Variants in MIEF2 observed in about 807,000 individuals in gnomAD.
The protein encoded by MIEF2 is mitochondrial elongation factor 2, also known as mitochondrial dynamics protein MID49.
Under a neutral mutation model 7.4 loss-of-function variants are expected in MIEF2, and 1 was observed. The observed-to-expected ratio is 0.14, with a 90% CI of 0.05 to 0.64. MIEF2 has a LOEUF of 0.64. MIEF2 is among the 30% of genes least tolerant of loss of function. The probability of loss-of-function intolerance (pLI) is 0.85; values close to 1 mark genes in which losing one functional copy is unlikely to be tolerated. For synonymous variants in MIEF2, 275 were observed against 290.5 expected, an observed-to-expected ratio of 0.95 and a Z score of 0.54; for missense variants, 569 against 623.9, an observed-to-expected ratio of 0.91 and a Z score of 0.94.
At position 18,263,934 on chromosome 17, in the gene MIEF2, G is replaced by T. The variant is rs748281385; in HGVS notation, c.535G>T (p.Gly179Trp). ...PELPFGAFVP[G>W]GPLYDGLQAG... is the part of the protein sequence containing the mutation. ...ACTGCCCTTTGGGGCATTCGTGCCTGGGGGGCCGCTCTACGACGGGCTGCA... is the reference window on the plus strand; with the variant it reads ...ACTGCCCTTTGGGGCATTCGTGCCTTGGGGGCCGCTCTACGACGGGCTGCA... The change falls in exon 4 of 4, where the codon GGG (glycine) becomes TGG (tryptophan). Residue 179 changes from glycine to tryptophan, a missense_variant. By Grantham distance (184) the Gly-to-Trp change is radical (BLOSUM62 -2). Transcript: ENST00000323019. 2 of 1,594,938 alleles carry T rather than the reference G, an allele frequency of 1.3e-6. No homozygotes were observed. Among genetic ancestry groups the T allele is most frequent in the Non-Finnish European group, 1.7e-6 (2 of 1,175,042 alleles).
intron 1 of MIEF2, 72 bp downstream of exon 1, chr17:18,260,809 A>G: frequency 2.9e-6 from 1 of 350,704 alleles, no homozygotes; most frequent in Non-Finnish European, 5.3e-6. Context: ...CGGAACGCAG[A>G]TCGGGGGCGT....
chr17:18,260,887 C>T (rs924215158), intron 1 of MIEF2, 150 bp downstream of exon 1: 6 of 565,750 alleles, frequency 1.1e-5, no homozygotes, highest in Non-Finnish European at 1.6e-5. Flanking sequence ...CGTTCGAATC[C>T]TAGCCCAGCC....
rs569782079 is a variant in MIEF2 at position 18,262,654 on chromosome 17, C to T, written c.-7-60C>T. 1.2e-4 allele frequency: 184 copies of T among 1,479,056 alleles called. 1 individual carries two copies. Among genetic ancestry groups the T allele is most frequent in the Admixed American group, 8.0e-4 (35 of 43,742 alleles). The allele number at this position is 1,479,056 out of a possible 1,614,324, so 91.6% of individuals were successfully genotyped here. A position where few individuals can be genotyped will look rare whatever the true frequency, so the allele number is the denominator to read the frequency against. ...AGCTAGAGCACCTGTCCACAGCAGC[C>T]CCTCTCCCAGCCTGGCCACCTGCAC... On this transcript the variant is annotated intron_variant, in intron 1 of 3. Transcript: ENST00000323019.
At position 18,264,342 on chromosome 17, in the gene MIEF2, C is replaced by A; in HGVS notation, c.943C>A (p.Arg315Ser). ...VAVPGVDADD[R>S]LLLAWPLEGL... ...AGTCCCTGGGGTCGATGCTGACGAC[C>A]GCCTCCTCTTGGCCTGGCCCCTGGA... Residue 315 changes from arginine (R) to serine (S), a missense_variant, in exon 4 of 4, where the codon CGC (arginine) becomes AGC (serine). Transcript: ENST00000323019. 1.2e-6 allele frequency: 2 copies of A among 1,606,104 alleles called. No individual in the cohort carries two copies. The highest frequency in any genetic ancestry group is 1.3e-5 in the African/African-American group (1 of 75,048).
chr17:18,264,816 C>A lies in MIEF2; in HGVS notation c.*52C>A. ...TTTTCTAATGCTGGGGAGCTGCACC[C>A]ACCTCCCTTCCAGGGATTTGAATAG... On this transcript the variant is annotated 3_prime_UTR_variant, in exon 4 of 4. Coordinates refer to ENST00000323019, the MANE Select transcript of MIEF2 (RefSeq NM_139162.4). The A allele has an allele frequency of 6.4e-7, 1 of 1,557,610 alleles. No individual in the cohort carries two copies. Among genetic ancestry groups the A allele is most frequent in the Admixed American group, 1.9e-5 (1 of 53,230 alleles).
rs765793573 is a variant in MIEF2, at chr17:18,263,811, C to T, written c.412C>T (p.Arg138Cys). Residue 138 changes from arginine to cysteine, a missense_variant, in exon 4 of 4, where the codon CGT (arginine) becomes TGT (cysteine). Coordinates refer to ENST00000323019, the MANE Select transcript of MIEF2 (RefSeq NM_139162.4). ...GAGGCTGCTGGCCTTCGAGCGGGAC[C>T]GTGTGACCATCCCAGCAGCCCAGGT... Reference protein sequence around the residue: ...QERLLAFERDRVTIPAAQVAL... With the variant: ...QERLLAFERDCVTIPAAQVAL... 8 of 1,609,272 alleles carry T rather than the reference C, an allele frequency of 5.0e-6. No individual in the cohort carries two copies. The highest frequency in any genetic ancestry group is 2.7e-5 in the African/African-American group (2 of 74,940).
rs1205927158 is a variant in MIEF2, at chr17:18,264,473, G to A, written c.1074G>A (p.Leu358=). ...CTGGGACTCGCCGGCGGCTGCTGCT[G>A]CTGCTGTGTGCTGTCTGCCGTGGTT... ...HDAGTRRRLL[L]LLCAVCRGCS... The change falls in exon 4 of 4, where the codon CTG becomes CTA. Residue 358 remains leucine, a synonymous_variant. Coordinates refer to ENST00000323019, the MANE Select transcript of MIEF2 (RefSeq NM_139162.4). 2 of 1,604,952 alleles carry A rather than the reference G, an allele frequency of 1.2e-6. No homozygotes were observed. Among genetic ancestry groups the A allele is most frequent in the Non-Finnish European group, 1.7e-6 (2 of 1,179,872 alleles).
In MIEF2 at chr17:18,266,164, C is replaced by G. The variant is rs535785219; in HGVS notation, c.*1400C>G. The G allele has an allele frequency of 1.3e-5, 2 of 151,678 alleles. No homozygotes were observed. The highest frequency in any genetic ancestry group is 4.9e-5 in the African/African-American group (2 of 41,216). 9.4% of individuals were successfully genotyped at this position (151,678 alleles called of 1,614,324 possible). On this transcript the variant is annotated 3_prime_UTR_variant, in exon 4 of 4. Transcript: ENST00000323019. ...GAGGTTGCAATGAGCTGAAATTGCA[C>G]CACTGCACTCCAGACTGGCGACAGA...
chr17:18,262,926 C>T (rs1245800283), intron 2 of MIEF2, 59 bp downstream of exon 2: 21 of 1,511,196 alleles, frequency 1.4e-5, no homozygotes, highest in Non-Finnish European at 1.8e-5. Flanking sequence ...CAGGGTTGGG[C>T]TTTTCAGAGG....
chr17:18,260,834 G>T (rs2746024), intron 1 of MIEF2, 97 bp downstream of exon 1: 122,889 of 441,936 alleles, frequency 0.28, 18,192 homozygotes, highest in African/African-American at 0.34. Context: ...CGCGATCACC[G>T]CTGGGGAAGG....
At position 18,263,111 on chromosome 17, in the gene MIEF2, G is replaced by A. The variant is rs763209079; in HGVS notation, c.173G>A (p.Arg58Gln). The stretch of plus-strand genomic sequence containing the variant: ...TTCATTGACAGGGCCACTAGCCCGC[G>A]GGATGAGGATGACACCAAGGCAGAC... ...KRFIDRATSP[R>Q]DEDDTKADSW... is the part of the protein sequence containing the mutation. Residue 58 changes from arginine to glutamine, a missense_variant, in exon 3 of 4, where the codon CGG becomes CAG. Arg to Gln is a conservative substitution (Grantham distance 43). Transcript: ENST00000323019. 16 of 1,613,372 alleles carry A rather than the reference G, an allele frequency of 9.9e-6. No individual in the cohort carries two copies. Among genetic ancestry groups the A allele is most frequent in the South Asian group, 4.4e-5 (4 of 91,092 alleles).
intron 2 of MIEF2, 83 bp downstream of exon 2, chr17:18,262,950 G>T: frequency 1.3e-6 from 2 of 1,528,654 alleles, no homozygotes; most frequent in Non-Finnish European, 1.8e-6. Context: ...CCTGGGGAGG[G>T]GTGGGGACTG....
intron 1 of MIEF2, chr17:18,261,018 G>T: frequency 7.5e-7 from 1 of 1,324,596 alleles, no homozygotes; most frequent in South Asian, 1.3e-5. Context: ...AGGAGGGAAG[G>T]CCAAACGGCC....
At position 18,263,199 on chromosome 17, in the gene MIEF2, T is replaced by C. The variant is rs777753623; in HGVS notation, c.261T>C (p.Ala87=). Residue 87 remains alanine (A), a synonymous_variant, in exon 3 of 4, where the codon GCT becomes GCC. Transcript: ENST00000323019. ...ACCTGCAGCCCCGGCCTCCACCTGC[T>C]GCCCTTAGCCAGCCAGTGTTGCCCT... is the stretch of plus-strand genomic sequence containing the variant. The part of the protein sequence containing the change: ...TPHLQPRPPP[A]ALSQPVLPLA... 3.0e-5 allele frequency: 49 copies of C among 1,613,522 alleles called. No homozygotes were observed. In the Admixed American group the frequency reaches 5.2e-4, roughly 17 times the overall value.
intron 1 of MIEF2, chr17:18,261,306 A>G (rs534409162): frequency 5.3e-6 from 5 of 951,270 alleles, no homozygotes; most frequent in Admixed American, 2.1e-5. Flanking sequence ...TTGGCCTGGG[A>G]TCGCCCCAGA....
chr17:18,263,013 G>T lies in MIEF2; in HGVS notation c.148-73G>T, dbSNP rs903245282. ...ACCTGCTTCTCCACCCAGCACGCTG[G>T]TCTGCTTTGCCCTGGGCTTTGCTAT... On this transcript the variant is annotated intron_variant, in intron 2 of 3. Transcript: ENST00000323019. 6 of 1,576,196 alleles carry T rather than the reference G, an allele frequency of 3.8e-6. No homozygotes were observed. In the African/African-American group the frequency reaches 8.1e-5, roughly 21 times the overall value.
At position 18,264,627 on chromosome 17, in the gene MIEF2, G is replaced by A. The variant is rs149229358; in HGVS notation, c.1228G>A (p.Gly410Ser). The change falls in exon 4 of 4, where the codon GGC (glycine) becomes AGC (serine). Residue 410 changes from glycine (G) to serine (S), a missense_variant. By Grantham distance (56) the Gly-to-Ser change is moderately conservative. Coordinates refer to ENST00000323019, the MANE Select transcript of MIEF2 (RefSeq NM_139162.4). ...CCTGCAAGCCCTGGAGCTGCTCATC[G>A]GCAGCCTGGAGCAGGCCAGCCTGCC... Reference protein sequence around the residue: ...RFLQALELLIGSLEQASLPCH... With the variant: ...RFLQALELLISSLEQASLPCH... 1,250 of 1,611,218 alleles carry A rather than the reference G, an allele frequency of 7.8e-4. No homozygotes were observed. Among genetic ancestry groups the A allele is most frequent in the Non-Finnish European group, 7.7e-4 (911 of 1,179,938 alleles).
chr17:18,263,641 G>A (rs1284684849), intron 3 of MIEF2, 69 bp from the exon 4 acceptor site: 3 of 1,470,374 alleles, frequency 2.0e-6, no homozygotes, highest in Non-Finnish European at 2.7e-6. Context: ...CACACAGCTA[G>A]TTCTCGGTGG....
At position 18,264,827 on chromosome 17, in the gene MIEF2, C is replaced by T. The variant is rs1336729512; in HGVS notation, c.*63C>T. ...TGGGGAGCTGCACCCACCTCCCTTC[C>T]AGGGATTTGAATAGTGGTTTTTCTC... is the stretch of plus-strand genomic sequence containing the variant. On this transcript the variant is annotated 3_prime_UTR_variant, in exon 4 of 4. Coordinates refer to ENST00000323019, the MANE Select transcript of MIEF2 (RefSeq NM_139162.4). 6.5e-7 allele frequency: 1 copy of T among 1,544,216 alleles called. No individual in the cohort carries two copies. Among genetic ancestry groups the T allele is most frequent in the Non-Finnish European group, 8.7e-7 (1 of 1,144,320 alleles).
Sources: allele counts gnomAD v4.1 joint callset, GRCh38; gene constraint gnomAD v4.1.1; transcripts MANE v1.5; gene names NCBI Gene and HGNC (gene_info 2026-07-23, HGNC 2026-07-21).